SLC35F3: variants seen among roughly 807,000 people sequenced by gnomAD.
SLC35F3 encodes the protein solute carrier family 35 member F3, also known as putative thiamine transporter SLC35F3.
A neutral mutation model predicts 49.9 loss-of-function variants in SLC35F3; 25 were observed. The observed-to-expected ratio is 0.50, with a 90% CI of 0.37 to 0.70. The LOEUF (loss-of-function observed/expected upper bound fraction) is 0.70, where lower values mean the gene tolerates loss of function less well. Among genes scored for constraint, SLC35F3 ranks in the 30% least tolerant of loss-of-function variants. The pLI is 0.00. For synonymous variants in SLC35F3, 275 were observed against 265.4 expected, an observed-to-expected ratio of 1.04 and a Z score of -0.35; for missense variants, 525 against 639.8, an observed-to-expected ratio of 0.82 and a Z score of 1.94.
intron 2 of SLC35F3, among the ~76,000 whole-genome samples, chr1:233,950,900 G>T (rs998743013): frequency 2.0e-5 from 3 of 151,822 alleles, no homozygotes; most frequent in African/African-American, 7.3e-5. Context: ...TGACTTTAAG[G>T]TTTGACTGAA....
intron 3 of SLC35F3, among the ~76,000 whole-genome samples, chr1:234,277,815 C>T (rs190883772): frequency 2.0e-4 from 30 of 152,266 alleles, no homozygotes; most frequent in Non-Finnish European, 1.0e-4. Flanking sequence ...GGAAGGCAAA[C>T]GACACTGCGA....
At chr1:234,156,499 A>G (rs763310009) in intron 2 of SLC35F3, among the ~76,000 whole-genome samples, 14 of 152,194 alleles carry the variant, frequency 9.2e-5, no homozygotes, top group Non-Finnish European at 1.9e-4. Flanking sequence ...ACTGTCATGC[A>G]TTGCTGATGG....
chr1:234,183,707 A>C (rs1224402226), intron 2 of SLC35F3, among the ~76,000 whole-genome samples: 1 of 143,014 alleles, frequency 7.0e-6, no homozygotes, highest in Non-Finnish European at 1.5e-5. Flanking sequence ...GACAAGCTGT[A>C]CAGTGTGGCT....
At chr1:234,221,903 A>G (rs1394380643) in intron 2 of SLC35F3, among the ~76,000 whole-genome samples, 2 of 152,242 alleles carry the variant, frequency 1.3e-5, no homozygotes, top group Non-Finnish European at 2.9e-5. Flanking sequence ...TCTACTAAGT[A>G]GCTTAATCAT....
At chr1:234,178,451 C>T (rs1666507740) in intron 2 of SLC35F3, among the ~76,000 whole-genome samples, 1 of 136,690 alleles carries the variant, frequency 7.3e-6, no homozygotes, top group Non-Finnish European at 1.6e-5. Context: ...AGCTTCTACC[C>T]TCTCCTAAGG....
intron 2 of SLC35F3, among the ~76,000 whole-genome samples, chr1:234,028,686 T>C (rs190188786): frequency 6.6e-6 from 1 of 152,338 alleles, no homozygotes; most frequent in East Asian, 1.9e-4. Flanking sequence ...AGAGACTCTC[T>C]ATAGAAAAGA....
Position 234,140,002 on chromosome 1 carries a change from A to AATAAAATAAAATAAAAAAAT in SLC35F3, c.284-91415_284-91414insATAAAATAAAATAAAAAAAT. On this transcript the variant is annotated intron_variant, in intron 2 of 7. Coordinates refer to ENST00000366618, the MANE Select transcript of SLC35F3 (RefSeq NM_173508.4). ...AATAAAATAAAATAAAATAAAATAA[A>AATAAAATAAAATAAAAAAAT]GTAAGTGACTTGAACACAAGTACTG... Among the ~76,000 whole-genome samples, 7 of 105,364 alleles carry AATAAAATAAAATAAAAAAAT rather than the reference A, an allele frequency of 6.6e-5. 1 individual carries two copies. Among genetic ancestry groups the AATAAAATAAAATAAAAAAAT allele is most frequent in the Non-Finnish European group, 1.2e-4 (5 of 42,148 alleles). 69.1% of individuals were successfully genotyped at this position (105,364 alleles called of 152,430 possible).
At chr1:233,964,898 A>G (rs1285304409) in intron 2 of SLC35F3, among the ~76,000 whole-genome samples, 2 of 152,230 alleles carry the variant, frequency 1.3e-5, no homozygotes, top group East Asian at 3.8e-4. Context: ...ACATCAGAGG[A>G]AACTAGTGCA....
intron 3 of SLC35F3, among the ~76,000 whole-genome samples, chr1:234,267,611 G>A (rs1267332153): frequency 6.7e-6 from 1 of 149,854 alleles, no homozygotes; most frequent in Non-Finnish European, 1.5e-5. Context: ...CCTCCTGGAT[G>A]GGGCGGCTGG....
intron 1 of SLC35F3, 122 bp from the exon 2 acceptor site, chr1:233,905,407 C>T (rs1431344351): frequency 7.6e-6 from 6 of 791,522 alleles, no homozygotes; most frequent in Non-Finnish European, 5.9e-6. Context: ...CCGCGGCGCT[C>T]GCCCCCGGAG....
chr1:234,160,709 C>A (rs1485588003), intron 2 of SLC35F3, among the ~76,000 whole-genome samples: 1 of 152,162 alleles, frequency 6.6e-6, no homozygotes, highest in Non-Finnish European at 1.5e-5. Flanking sequence ...CACTGAGCCC[C>A]TTGTTAACCC....
rs139113625 is a variant in SLC35F3 at position 234,040,402 on chromosome 1, A to G, written c.283+134644A>G. Among the ~76,000 whole-genome samples, 17 of 152,306 alleles carry G rather than the reference A, an allele frequency of 1.1e-4. No homozygotes were observed. In the East Asian group the frequency reaches 3.3e-3, roughly 29 times the overall value. ...ATCAGGAGAGAGAGGGCAAATAGGG[A>G]TAGAAGTTCTCGCTTTGGGTCACAG... is the stretch of plus-strand genomic sequence containing the variant. On this transcript the variant is annotated intron_variant, in intron 2 of 7. Transcript: ENST00000366618.
At chr1:234,248,973 T>C (rs1013016954) in intron 3 of SLC35F3, among the ~76,000 whole-genome samples, 4 of 152,212 alleles carry the variant, frequency 2.6e-5, no homozygotes, top group African/African-American at 9.6e-5. Flanking sequence ...CCCTTGCTTG[T>C]ACAGCAAATC....
chr1:234,294,972 A>G (rs913677148), intron 3 of SLC35F3, among the ~76,000 whole-genome samples: 4 of 152,254 alleles, frequency 2.6e-5, no homozygotes, highest in Admixed American at 2.6e-4. Context: ...TGAAGGAGAC[A>G]GCAGCAAGGG....
intron 2 of SLC35F3, among the ~76,000 whole-genome samples, chr1:233,979,580 C>T (rs16859895): frequency 0.011 from 1,657 of 152,198 alleles, 16 homozygotes; most frequent in Middle Eastern, 0.027. Context: ...TATATTGCCT[C>T]GTCATTGGAT....
Position 233,908,536 on chromosome 1 carries a change from CTTTTTTT to C in SLC35F3, c.283+2797_283+2803del, listed in dbSNP as rs898041195. Among the ~76,000 whole-genome samples the C allele has an allele frequency of 1.6e-4, 14 of 84,894 alleles. No homozygotes were observed. The East Asian group carries it at 2.4e-3, about 15-fold the overall frequency. 55.7% of individuals were successfully genotyped at this position (84,894 alleles called of 152,430 possible). A position where few individuals can be genotyped will look rare whatever the true frequency, so the allele number is the denominator to read the frequency against. On this transcript the variant is annotated intron_variant, in intron 2 of 7. Transcript: ENST00000366618. ...AGACAAGAGAATTTTGTAAAGGATT[CTTTTTTT>C]TTTTTTTTTTTTTTTTTTGACAGAG...
In SLC35F3 at chr1:234,081,503, G is replaced by C. The variant is rs558487652; in HGVS notation, c.284-149914G>C. Among the ~76,000 whole-genome samples, 5 of 152,322 alleles carry C rather than the reference G, an allele frequency of 3.3e-5. No homozygotes were observed. The South Asian group carries it at 1.0e-3, about 32-fold the overall frequency. ...GGGGCTACGGGAGGCAGGGGATTGA[G>C]TGGGCAGCAGTGGGTCACTGTGGAT... is the stretch of plus-strand genomic sequence containing the variant. On this transcript the variant is annotated intron_variant, in intron 2 of 7. Coordinates refer to ENST00000366618, the MANE Select transcript of SLC35F3 (RefSeq NM_173508.4).
intron 3 of SLC35F3, among the ~76,000 whole-genome samples, chr1:234,299,913 A>G (rs1285674533): frequency 2.0e-5 from 3 of 152,048 alleles, no homozygotes; most frequent in Non-Finnish European, 2.9e-5. Context: ...AGAGAGAAAG[A>G]AAGAAAACAG....
At chr1:234,033,570 A>C (rs1004793831) in intron 2 of SLC35F3, among the ~76,000 whole-genome samples, 8 of 152,150 alleles carry the variant, frequency 5.3e-5, no homozygotes, top group Non-Finnish European at 1.5e-5. Flanking sequence ...ATTCTTCTAC[A>C]TGTGACTTGC....
Sources: gnomAD v4.1 joint callset for allele counts (sites outside exome capture counted in the v4.1 genomes callset) on GRCh38, gnomAD v4.1.1 for gene constraint, MANE v1.5 for transcripts, NCBI Gene and HGNC (gene_info 2026-07-23, HGNC 2026-07-21) for gene names.